PSG2: variants seen among roughly 807,000 people sequenced by gnomAD.
PSG2 encodes pregnancy specific beta-1-glycoprotein 2, also known as pregnancy-specific beta-1-glycoprotein 2.
A neutral mutation model predicts 36.2 loss-of-function variants in PSG2; 49 were observed. The ratio of observed to expected loss-of-function variants is 1.35; its 90% CI spans 1.08 to 1.72. PSG2 has a LOEUF of 1.72. Among genes scored for constraint, PSG2 ranks in the 40% most tolerant of loss-of-function variants. The pLI, the probability that PSG2 is intolerant of heterozygous loss-of-function variation, is 0.00. For missense variants in PSG2, 605 were observed against 407.2 expected, an observed-to-expected ratio of 1.49 and a Z score of -4.18; for synonymous variants, 261 against 155.6, an observed-to-expected ratio of 1.68 and a Z score of -5.04.
At chr19:43,075,708 G>A (rs1035999819) in intron 2 of PSG2, 76 bp from the exon 3 acceptor site, 6 of 1,549,704 alleles carry the variant, frequency 3.9e-6, no homozygotes, top group Non-Finnish European at 5.2e-6. Context: ...AATCAGAGTT[G>A]GCATTTCCCA....
chr19:43,082,441 C>T, intron 1 of PSG2, 65 bp downstream of exon 1: 25 of 1,588,992 alleles, frequency 1.6e-5, no homozygotes, highest in South Asian at 2.2e-5. Context: ...CCATCCTCTC[C>T]AGGAGACCCC....
At chr19:43,080,254 A>C (rs1398464630) in intron 2 of PSG2, among the ~76,000 whole-genome samples, 1 of 151,578 alleles carries the variant, frequency 6.6e-6, no homozygotes, top group Non-Finnish European at 1.5e-5. Context: ...GTCTTCAAAG[A>C]TTGTCTTTCT....
rs1287022778 is a variant in PSG2, at chr19:43,082,545, A to G, written c.25T>C (p.Cys9Arg). ...CCCTTCCATTTGATGTGCTCTGTGC[A>G]GGGAGGGGCTGAGAGGGGCCCCATG... MGPLSAPP[C>R]TEHIKWKGLL... is the part of the protein sequence containing the mutation. Residue 9 changes from cysteine to arginine, a missense_variant, in exon 1 of 6, where the codon TGC (cysteine) becomes CGC (arginine). Transcript: ENST00000406487. 5.0e-6 allele frequency: 8 copies of G among 1,612,076 alleles called. No individual in the cohort carries two copies. Among genetic ancestry groups the G allele is most frequent in the Non-Finnish European group, 6.8e-6 (8 of 1,179,084 alleles).
chr19:43,077,456 C>T lies in PSG2; in HGVS notation c.431-1824G>A, dbSNP rs556257925. ...GACCCCAAAACAGGTATGTGAAATG[C>T]TTTCTTCATTTTCTCTTAAGCTCAG... On this transcript the variant is annotated intron_variant, in intron 2 of 5. Coordinates refer to ENST00000406487, the MANE Select transcript of PSG2 (RefSeq NM_031246.4). Among the ~76,000 whole-genome samples the T allele has an allele frequency of 4.6e-3, 692 of 151,878 alleles. 21 individuals are homozygous for T. Among genetic ancestry groups the T allele is most frequent in the African/African-American group, 0.016 (676 of 41,206 alleles).
chr19:43,078,769 A>G (rs1212671877), intron 2 of PSG2, among the ~76,000 whole-genome samples: 1 of 151,664 alleles, frequency 6.6e-6, no homozygotes, highest in Non-Finnish European at 1.5e-5. Flanking sequence ...TCTTTACTAC[A>G]AATCACCATT....
At position 43,075,478 on chromosome 19, in the gene PSG2, C is replaced by A; in HGVS notation, c.585G>T (p.Leu195=). 1 of 1,613,214 alleles carries A rather than the reference C, an allele frequency of 6.2e-7. No homozygotes were observed. Among genetic ancestry groups the A allele is most frequent in the Non-Finnish European group, 8.5e-7 (1 of 1,179,692 alleles). ...GAAAGAGGGTCCTGTTGGTTTCGGA[C>A]AGCTGAAACCTATGAGTCATAGGGA... ...QSLPMTHRFQ[L]SETNRTLFLF... Residue 195 remains leucine (L), a synonymous_variant, in exon 3 of 6, where the codon CTG becomes CTT. Transcript: ENST00000406487.
chr19:43,068,466 A>AAAAAAG lies in PSG2; in HGVS notation c.965-1867_965-1866insCTTTTT, dbSNP rs1335710405. ...CTCTCTCTTTTCAACAAAAAAAAAA[A>AAAAAAG]AAAGAAAGAAAGAAAGAAAGAAAGA... On this transcript the variant is annotated intron_variant, in intron 4 of 5. Transcript: ENST00000406487. Among the ~76,000 whole-genome samples, 22 of 147,126 alleles carry AAAAAAG rather than the reference A, an allele frequency of 1.5e-4. No individual in the cohort carries two copies. The East Asian group carries it at 2.5e-3, about 17-fold the overall frequency.
rs1071698 is a variant in PSG2 at position 43,064,299 on chromosome 19, G to C, written c.*343C>G. The C allele has an allele frequency of 2.8e-3, 663 of 236,480 alleles. 6 individuals carry two copies. The highest frequency in any genetic ancestry group is 2.5e-3 in the Non-Finnish European group (301 of 118,322). The allele number at this position is 236,480 out of a possible 1,614,324, so 14.6% of individuals were successfully genotyped here. A position where few individuals can be genotyped will look rare whatever the true frequency, so the allele number is the denominator to read the frequency against. On this transcript the variant is annotated 3_prime_UTR_variant, in exon 6 of 6. Coordinates refer to ENST00000406487, the MANE Select transcript of PSG2 (RefSeq NM_031246.4). ...GGGGCACTCAGATAGAGAGCAAAAG[G>C]AAATGTTTCAATTTTTGTTTACAAA...
intron 5 of PSG2, among the ~76,000 whole-genome samples, chr19:43,064,898 C>G (rs187272893): frequency 6.6e-6 from 1 of 151,938 alleles, no homozygotes; most frequent in East Asian, 1.9e-4. Flanking sequence ...GTGGTGCCAT[C>G]TGAGTTCACT....
chr19:43,081,089 G>T lies in PSG2; in HGVS notation c.222C>A (p.Asp74Glu), dbSNP rs755204737. The change falls in exon 2 of 6, where the codon GAC becomes GAA. Residue 74 changes from aspartate (D) to glutamate (E), a missense_variant. Physicochemically the swap from Asp to Glu is conservative, Grantham distance 45 (BLOSUM62 2). Transcript: ENST00000406487. ...CATATGATGTAATGTAATGGTAGAG[G>T]TCCCTGATTTGCCCTTTGTACCAGA... ...GYIWYKGQIR[D>E]LYHYITSYVV... is the part of the protein sequence containing the mutation. 3.7e-6 allele frequency: 6 copies of T among 1,612,830 alleles called. No individual in the cohort carries two copies. The East Asian group carries it at 1.1e-4, about 30-fold the overall frequency.
intron 5 of PSG2, among the ~76,000 whole-genome samples, 170 bp from the exon 6 acceptor site, chr19:43,064,771 A>G (rs536157702): frequency 6.6e-6 from 1 of 151,856 alleles, no homozygotes; most frequent in African/African-American, 2.4e-5. Context: ...CTTCTGTGGC[A>G]TATGACACTA....
chr19:43,067,714 T>C (rs1474735955), intron 4 of PSG2, among the ~76,000 whole-genome samples: 2 of 151,364 alleles, frequency 1.3e-5, no homozygotes, highest in South Asian at 4.2e-4. Context: ...AGTAATATAG[T>C]AGCTGACATT....
intron 2 of PSG2, among the ~76,000 whole-genome samples, chr19:43,078,868 C>G (rs952302263): frequency 2.6e-5 from 4 of 151,618 alleles, no homozygotes; most frequent in African/African-American, 9.7e-5. Flanking sequence ...CTATCCCTGT[C>G]CCATGGTCTT....
chr19:43,073,014 C>T (rs1323236263), intron 3 of PSG2, among the ~76,000 whole-genome samples: 12 of 151,636 alleles, frequency 7.9e-5, no homozygotes, highest in South Asian at 2.1e-4. Flanking sequence ...TCCTACTTTG[C>T]CCCCCTAGAT....
At chr19:43,074,768 A>C (rs945584900) in intron 3 of PSG2, among the ~76,000 whole-genome samples, 13 of 151,820 alleles carry the variant, frequency 8.6e-5, no homozygotes, top group Admixed American at 6.6e-5. Flanking sequence ...TGAAACAGAC[A>C]TAGAGCCCTC....
chr19:43,075,358 G>T lies in PSG2; in HGVS notation c.705C>A (p.Leu235=). The change falls in exon 3 of 6, where the codon CTC becomes CTA. Residue 235 remains leucine (L), a synonymous_variant. Transcript: ENST00000406487. ...AGAGGAACAGAAGATACTCACGGAG[G>T]AGATTCAGGGTGACTGGGTCACTGC... ...ASRSDPVTLN[L]LHGPDLPRIH... is the part of the protein sequence containing the mutation. 1.2e-6 allele frequency: 2 copies of T among 1,613,150 alleles called. No individual in the cohort carries two copies. The highest frequency in any genetic ancestry group is 1.7e-6 in the Non-Finnish European group (2 of 1,179,616).
At chr19:43,069,989 G>A (rs1599705413) in intron 4 of PSG2, among the ~76,000 whole-genome samples, 1 of 151,656 alleles carries the variant, frequency 6.6e-6, no homozygotes. Context: ...GTCAACAACA[G>A]CAAACATCCG....
At chr19:43,075,940 G>A (rs1032162772) in intron 2 of PSG2, among the ~76,000 whole-genome samples, 2 of 151,550 alleles carry the variant, frequency 1.3e-5, no homozygotes, top group African/African-American at 4.9e-5. Flanking sequence ...CCATCTCGAA[G>A]TGCCTGCCTG....
At chr19:43,075,729 C>G in intron 2 of PSG2, 97 bp from the exon 3 acceptor site, 5 of 1,528,412 alleles carry the variant, frequency 3.3e-6, no homozygotes, top group Non-Finnish European at 4.4e-6. Flanking sequence ...CCTCTCAGCC[C>G]ACCCAAGTCC....
Sources: gnomAD v4.1 joint callset for allele counts (sites outside exome capture counted in the v4.1 genomes callset) on GRCh38, gnomAD v4.1.1 for gene constraint, MANE v1.5 for transcripts, NCBI Gene and HGNC (gene_info 2026-07-23, HGNC 2026-07-21) for gene names.